Variants in ANKS1A observed in about 807,000 individuals in gnomAD.
ANKS1A encodes ankyrin repeat and SAM domain-containing protein 1A.
Under a neutral mutation model 120.3 loss-of-function variants are expected in ANKS1A, and 55 were observed. The ratio of observed to expected loss-of-function variants is 0.46; its 90% confidence interval spans 0.37 to 0.57. ANKS1A has a LOEUF of 0.57. Ranked by LOEUF, ANKS1A falls within the 20% of genes least tolerant of loss-of-function variation. The pLI, the probability that ANKS1A is intolerant of heterozygous loss-of-function variation, is 0.00. For missense variants in ANKS1A, 1,123 were observed against 1,480.3 expected (o/e 0.76, Z 3.96); for synonymous variants, 590 against 604.7 (o/e 0.98, Z 0.36).
rs568031472 is a variant in ANKS1A, at chr6:35,047,872, C to T, written c.2011-6227C>T. Among the ~76,000 whole-genome samples the T allele has an allele frequency of 1.8e-4, 28 of 152,304 alleles. No individual in the cohort carries two copies. The South Asian group carries it at 5.8e-3, about 32-fold the overall frequency. On this transcript the variant is annotated intron_variant, in intron 11 of 23. Coordinates refer to ENST00000360359, the MANE Select transcript of ANKS1A (RefSeq NM_015245.3). ...CAAGTCAGGGCCATGTATTTCCTCCCGGTCATGTTCATGTCATGTCCATGT... is the reference window on the plus strand; with the variant it reads ...CAAGTCAGGGCCATGTATTTCCTCCTGGTCATGTTCATGTCATGTCCATGT...
chr6:34,938,614 T>C (rs1470331715), intron 1 of ANKS1A, among the ~76,000 whole-genome samples: 3 of 152,266 alleles, frequency 2.0e-5, no homozygotes, highest in African/African-American at 7.2e-5. Flanking sequence ...TGTTTTCTGA[T>C]TCTGGGATAC....
intron 11 of ANKS1A, among the ~76,000 whole-genome samples, chr6:35,048,994 G>C (rs535896797): frequency 6.6e-6 from 1 of 152,252 alleles, no homozygotes. Flanking sequence ...GAAAGTGAGA[G>C]CACTGCCCTC....
At position 35,090,669 on chromosome 6, in the gene ANKS1A, T is replaced by C; in HGVS notation, c.*2060T>C. On this transcript the variant is annotated 3_prime_UTR_variant, in exon 24 of 24. Coordinates refer to ENST00000360359, the MANE Select transcript of ANKS1A (RefSeq NM_015245.3). ...TCTCCTCTGGGATGGGTAGTCTCCCTTTCCTAGAAAGGTTATTATAACTTT... is the reference window on the plus strand; with the variant it reads ...TCTCCTCTGGGATGGGTAGTCTCCCCTTCCTAGAAAGGTTATTATAACTTT... 1 of 988,784 alleles carries C rather than the reference T, an allele frequency of 1.0e-6. No homozygotes were observed. Among genetic ancestry groups the C allele is most frequent in the Non-Finnish European group, 1.2e-6 (1 of 832,124 alleles). 61.3% of individuals were successfully genotyped at this position (988,784 alleles called of 1,614,324 possible).
intron 1 of ANKS1A, among the ~76,000 whole-genome samples, chr6:34,895,861 C>T (rs550466471): frequency 2.9e-5 from 4 of 136,682 alleles, no homozygotes; most frequent in African/African-American, 1.1e-4. Flanking sequence ...ACGATCTCGA[C>T]TCATTGCAGC....
intron 1 of ANKS1A, among the ~76,000 whole-genome samples, chr6:34,954,147 C>T (rs1770226488): frequency 1.3e-5 from 2 of 152,190 alleles, no homozygotes; most frequent in South Asian, 4.1e-4. Flanking sequence ...TCAGGCTGTC[C>T]TGTCCGTGTT....
At chr6:35,083,309 G>T (rs1777788515) in intron 19 of ANKS1A, 83 bp downstream of exon 19, 1 of 1,597,094 alleles carries the variant, frequency 6.3e-7, no homozygotes. Context: ...CAGTTGCCTG[G>T]GCCCTGCTGC....
At chr6:35,062,733 T>C (rs991106670) in intron 13 of ANKS1A, among the ~76,000 whole-genome samples, 14 of 152,224 alleles carry the variant, frequency 9.2e-5, no homozygotes, top group Non-Finnish European at 1.8e-4. Flanking sequence ...TGTAACGCCA[T>C]GTGGTCTGAT....
rs1425491794 is a variant in ANKS1A, at chr6:35,081,135, C to T, written c.2686C>T (p.Arg896Ter). ...DSLHDPAAPS[R>*]AERFRIQEEH... ...TCTCCATGACCCTGCGGCACCCTCC[C>T]GAGCGGAGCGCTTCAGGATCCAGGT... Residue 896 changes from arginine to a stop codon, truncating the protein, a stop_gained, in exon 17 of 24, where the codon CGA (arginine) becomes TGA (stop). Transcript: ENST00000360359. LOFTEE classifies it high-confidence loss of function. The T allele has an allele frequency of 3.7e-6, 6 of 1,611,756 alleles. No individual in the cohort carries two copies. Among genetic ancestry groups the T allele is most frequent in the African/African-American group, 1.3e-5 (1 of 74,922 alleles).
chr6:34,935,784 C>T (rs982062159), intron 1 of ANKS1A, among the ~76,000 whole-genome samples: 1 of 151,634 alleles, frequency 6.6e-6, no homozygotes, highest in Non-Finnish European at 1.5e-5. Flanking sequence ...CCTGGTGGGC[C>T]GGGCGCGGTG....
chr6:35,043,102 AAGGGTCTT>A (rs944116077), intron 11 of ANKS1A, among the ~76,000 whole-genome samples: 2 of 152,048 alleles, frequency 1.3e-5, no homozygotes, highest in African/African-American at 4.8e-5. Flanking sequence ...TGTTGGGGAG[AAGGGTCTT>A]AGTTAACTGA....
the ANKS1A span, among the ~76,000 whole-genome samples, chr6:35,096,791 C>T: frequency 3.9e-5 from 6 of 152,122 alleles, no homozygotes; most frequent in Non-Finnish European, 7.4e-5. Flanking sequence ...TTTTCTGAGG[C>T]TCCAGCCAGC....
chr6:35,097,028 C>G, the ANKS1A span, among the ~76,000 whole-genome samples: 2 of 114,334 alleles, frequency 1.7e-5, no homozygotes, highest in Non-Finnish European at 3.8e-5. Flanking sequence ...TAATGGCATT[C>G]CAGCCAATTT....
chr6:35,042,994 G>T (rs182050053), intron 11 of ANKS1A, among the ~76,000 whole-genome samples: 1 of 152,282 alleles, frequency 6.6e-6, no homozygotes, highest in African/African-American at 2.4e-5. Flanking sequence ...GATGACCTTG[G>T]ATGCCCTTGA....
At chr6:35,045,774 G>C (rs1775691602) in intron 11 of ANKS1A, among the ~76,000 whole-genome samples, 1 of 152,160 alleles carries the variant, frequency 6.6e-6, no homozygotes, top group African/African-American at 2.4e-5. Context: ...TTGTGAGGAG[G>C]GACTGGATCA....
At chr6:34,990,700 A>T (rs1462598890) in intron 9 of ANKS1A, among the ~76,000 whole-genome samples, 2 of 152,208 alleles carry the variant, frequency 1.3e-5, no homozygotes, top group Non-Finnish European at 2.9e-5. Context: ...TGGCAATAAC[A>T]CAGTGTCAAG....
In ANKS1A at chr6:35,050,760, A is replaced by G. The variant is rs952148530; in HGVS notation, c.2011-3339A>G. On this transcript the variant is annotated intron_variant, in intron 11 of 23. Transcript: ENST00000360359. The surrounding 1 kb of genome is among the most constrained non-coding windows in gnomAD (Gnocchi z 4.3). The stretch of plus-strand genomic sequence containing the variant: ...GACACTCTGTGGTGCCAGGGTGGGG[A>G]CCTGCCAATCTCTGCCCAAACAGGA... Among the ~76,000 whole-genome samples, 11 of 151,744 alleles carry G rather than the reference A, an allele frequency of 7.2e-5. No homozygotes were observed. Among genetic ancestry groups the G allele is most frequent in the African/African-American group, 2.4e-4 (10 of 41,382 alleles).
intron 1 of ANKS1A, among the ~76,000 whole-genome samples, chr6:34,901,216 C>CT (rs1767335372): frequency 2.0e-5 from 3 of 151,360 alleles, no homozygotes; most frequent in Admixed American, 2.0e-4. Context: ...ATTTCCAACT[C>CT]TGTTTTTTTT....
At chr6:34,969,202 A>G (rs1771056813) in intron 2 of ANKS1A, among the ~76,000 whole-genome samples, 2 of 152,202 alleles carry the variant, frequency 1.3e-5, no homozygotes, top group Non-Finnish European at 2.9e-5. Context: ...CTTTCTGGGG[A>G]TATCAAATGA....
In ANKS1A at chr6:35,090,189, G is replaced by C. The variant is rs777767514; in HGVS notation, c.*1580G>C. ...CTTCTTGGTACTAAACGAAGATCTC[G>C]ACACCTTGCAGTTTTACTTCATTTC... On this transcript the variant is annotated 3_prime_UTR_variant, in exon 24 of 24. Transcript: ENST00000360359. 3.1e-6 allele frequency: 4 copies of C among 1,289,424 alleles called. No homozygotes were observed. In the South Asian group the frequency reaches 3.7e-5, roughly 12 times the overall value. The allele number at this position is 1,289,424 out of a possible 1,614,324, so 79.9% of individuals were successfully genotyped here.
Sources: gnomAD v4.1 joint callset for allele counts (sites outside exome capture counted in the v4.1 genomes callset) on GRCh38, gnomAD v4.1.1 for gene constraint, Gnocchi (gnomAD v3.1) non-coding constraint, MANE v1.5 for transcripts, NCBI Gene and HGNC (gene_info 2026-07-23, HGNC 2026-07-21) for gene names.